The following ABCA12 variants were observed in gnomAD, a reference collection of about 807,000 sequenced individuals.
ABCA12 encodes the protein ATP binding cassette subfamily A member 12.
Under a neutral mutation model 293.5 loss-of-function variants are expected in ABCA12, and 156 were observed. The observed-to-expected ratio is 0.53, with a 90% confidence interval of 0.47 to 0.61. ABCA12 has a LOEUF of 0.61. Ranked by LOEUF, ABCA12 falls within the 20% of genes least tolerant of loss-of-function variation. The pLI is 0.00. For missense variants in ABCA12, 2,797 were observed against 3,090.2 expected, an observed-to-expected ratio of 0.91 and a Z score of 2.25; for synonymous variants, 1,063 against 1,108.0, an observed-to-expected ratio of 0.96 and a Z score of 0.81.
intron 50 of ABCA12, among the ~76,000 whole-genome samples, chr2:214,942,528 T>C (rs1057093493): frequency 1.3e-5 from 2 of 152,164 alleles, no homozygotes. Context: ...ACTGTGCAAA[T>C]GGCAAATGAA....
rs1438114754 is a variant in ABCA12 at position 214,969,288 on chromosome 2, GT to G, written c.5691-482del. Among the ~76,000 whole-genome samples the G allele has an allele frequency of 5.3e-5, 8 of 152,102 alleles. No individual in the cohort carries two copies. The South Asian group carries it at 1.7e-3, about 32-fold the overall frequency. On this transcript the variant is annotated intron_variant, in intron 37 of 52. Transcript: ENST00000272895. ...TTTCTCCCTGAATATTTGAGGGCAAGTTGGGTCTTGTCAATTCATGTCAACT... is the reference window on the plus strand; with the variant it reads ...TTTCTCCCTGAATATTTGAGGGCAAGTGGGTCTTGTCAATTCATGTCAACT...
intron 2 of ABCA12, among the ~76,000 whole-genome samples, chr2:215,072,986 C>A (rs1386516384): frequency 1.3e-5 from 2 of 151,978 alleles, no homozygotes; most frequent in Admixed American, 1.3e-4. Context: ...CCCCAGCTAC[C>A]TGGGAAGCTG....
intron 39 of ABCA12, 61 bp downstream of exon 39, chr2:214,966,787 A>C: frequency 6.7e-7 from 1 of 1,503,564 alleles, no homozygotes; most frequent in Non-Finnish European, 9.3e-7. Flanking sequence ...TATAAAGTGC[A>C]TTTTTATACA....
intron 8 of ABCA12, chr2:215,032,330 G>A: frequency 9.6e-6 from 2 of 207,418 alleles, no homozygotes; most frequent in Non-Finnish European, 2.0e-5. Flanking sequence ...GTAGCCTCAG[G>A]AAACATCTGC....
intron 19 of ABCA12, among the ~76,000 whole-genome samples, chr2:215,006,710 C>T (rs1700258751): frequency 6.6e-6 from 1 of 152,058 alleles, no homozygotes; most frequent in African/African-American, 2.4e-5. Context: ...GATATGCAAG[C>T]CAGTCTCTTG....
intron 1 of ABCA12, among the ~76,000 whole-genome samples, chr2:215,115,570 G>C (rs1702667891): frequency 6.6e-6 from 1 of 152,296 alleles, no homozygotes; most frequent in African/African-American, 2.4e-5. Context: ...ATTTCACACT[G>C]TCTCTACATC....
At chr2:215,081,259 C>T (rs1701930381) in intron 2 of ABCA12, among the ~76,000 whole-genome samples, 2 of 152,182 alleles carry the variant, frequency 1.3e-5, no homozygotes, top group East Asian at 1.9e-4. Flanking sequence ...AGTCCGATCA[C>T]CTGAGATCAG....
Position 214,954,014 on chromosome 2 carries a change from G to A in ABCA12, c.6487C>T (p.Gln2163Ter), listed in dbSNP as rs1297046422. Residue 2163 changes from glutamine to a stop codon, truncating the protein, a stop_gained, in exon 44 of 53, where the codon CAG becomes TAG. Transcript: ENST00000272895. LOFTEE classifies it high-confidence loss of function. The stretch of plus-strand genomic sequence containing the variant: ...GCTTTTAAGAAGTCTAGGACCGACT[G>A]TTGTTGAGAAAGTTCAATCAAACCG... ...GYGLIELSQQ[Q>*]SVLDFLKAYG... The A allele has an allele frequency of 6.2e-7, 1 of 1,613,948 alleles. No homozygotes were observed. Among genetic ancestry groups the A allele is most frequent in the African/African-American group, 1.3e-5 (1 of 74,916 alleles).
chr2:215,069,186 CT>C (rs200559452), intron 2 of ABCA12, among the ~76,000 whole-genome samples: 1,799 of 86,930 alleles, frequency 0.021, 39 homozygotes, highest in African/African-American at 0.069. Context: ...AAAATTCTGA[CT>C]TTTAAAAAAA....
At position 214,989,551 on chromosome 2, in the gene ABCA12, C is replaced by T. The variant is rs1699868180; in HGVS notation, c.3694+1G>A. The stretch of plus-strand genomic sequence containing the variant: ...TCCAGTTTTAAAGAAAGGGGACCTA[C>T]CAATGCCCTGTTCTTCGTATCGTGC... On this transcript the variant is annotated splice_donor_variant, in intron 25 of 52. Transcript: ENST00000272895. LOFTEE classifies it high-confidence loss of function. 6.2e-7 allele frequency: 1 copy of T among 1,613,952 alleles called. No individual in the cohort carries two copies. Among genetic ancestry groups the T allele is most frequent in the Non-Finnish European group, 8.5e-7 (1 of 1,179,986 alleles).
chr2:215,054,961 T>A (rs1260359315), intron 3 of ABCA12, among the ~76,000 whole-genome samples: 1 of 152,116 alleles, frequency 6.6e-6, no homozygotes, highest in African/African-American at 2.4e-5. Flanking sequence ...AAAATATGTA[T>A]GATATATATT....
chr2:215,072,945 A>G (rs1701765311), intron 2 of ABCA12, among the ~76,000 whole-genome samples: 1 of 152,132 alleles, frequency 6.6e-6, no homozygotes, highest in Non-Finnish European at 1.5e-5. Flanking sequence ...AAATACAAAA[A>G]TTAGCTGGGC....
At chr2:215,125,959 G>A (rs1702912315) in intron 1 of ABCA12, among the ~76,000 whole-genome samples, 1 of 152,090 alleles carries the variant, frequency 6.6e-6, no homozygotes, top group African/African-American at 2.4e-5. Flanking sequence ...ATTACATTAA[G>A]GTATGTCCCT....
intron 36 of ABCA12, among the ~76,000 whole-genome samples, chr2:214,972,909 G>C (rs1026293951): frequency 3.3e-5 from 5 of 151,984 alleles, no homozygotes; most frequent in Non-Finnish European, 5.9e-5. Flanking sequence ...AACTCCCAAG[G>C]CTCAAGCTAT....
Position 214,953,988 on chromosome 2 carries a change from T to C in ABCA12, c.6513A>G (p.Ala2171=). The change falls in exon 44 of 53, where the codon GCA becomes GCG. Residue 2171 remains alanine (A), a synonymous_variant. Coordinates refer to ENST00000272895, the MANE Select transcript of ABCA12 (RefSeq NM_173076.3). The part of the protein sequence containing the change: ...QQQSVLDFLK[A]YGVEYPNETF... ...TTTCATTTGGGTATTCCACTCCATA[T>C]GCTTTTAAGAAGTCTAGGACCGACT... 3 of 1,614,154 alleles carry C rather than the reference T, an allele frequency of 1.9e-6. No homozygotes were observed. The highest frequency in any genetic ancestry group is 2.5e-6 in the Non-Finnish European group (3 of 1,179,990).
At chr2:214,991,342 AG>A (rs1699908334) in intron 23 of ABCA12, among the ~76,000 whole-genome samples, 1 of 152,228 alleles carries the variant, frequency 6.6e-6, no homozygotes, top group Admixed American at 6.5e-5. Context: ...AATTTAGAAT[AG>A]ATTATCAAAT....
chr2:214,943,498 C>T (rs912848992), intron 49 of ABCA12, among the ~76,000 whole-genome samples: 1 of 151,942 alleles, frequency 6.6e-6, no homozygotes, highest in Non-Finnish European at 1.5e-5. Flanking sequence ...AGAACAAAAG[C>T]CAATCTCTTA....
chr2:215,113,348 G>T (rs1001458662), intron 1 of ABCA12, among the ~76,000 whole-genome samples: 6 of 152,168 alleles, frequency 3.9e-5, no homozygotes, highest in African/African-American at 1.4e-4. Flanking sequence ...TGAGGCACTC[G>T]GTTTGAACAT....
intron 39 of ABCA12, among the ~76,000 whole-genome samples, chr2:214,964,060 G>A (rs891861349): frequency 3.3e-5 from 5 of 152,064 alleles, no homozygotes; most frequent in Admixed American, 3.3e-4. Flanking sequence ...TCATCCCTAG[G>A]ATGCAAGGTT....
Sources: gnomAD v4.1 joint callset for allele counts (sites outside exome capture counted in the v4.1 genomes callset) on GRCh38, gnomAD v4.1.1 for gene constraint, MANE v1.5 for transcripts, NCBI Gene and HGNC (gene_info 2026-07-23, HGNC 2026-07-21) for gene names.